Variants in SLC12A2 observed in about 807,000 individuals in gnomAD.
The protein encoded by SLC12A2 is solute carrier family 12 member 2.
In SLC12A2, 67 loss-of-function variants were observed where a neutral mutation model predicts 136.3. The ratio of observed to expected loss-of-function variants is 0.49; its 90% CI spans 0.40 to 0.60. The LOEUF is 0.60. Among genes scored for constraint, SLC12A2 ranks in the 20% least tolerant of loss-of-function variants. The pLI is 0.00. For missense variants in SLC12A2, 1,322 were observed against 1,534.7 expected (o/e 0.86, Z 2.32); for synonymous variants, 619 against 562.9 (o/e 1.10, Z -1.41).
intron 4 of SLC12A2, among the ~76,000 whole-genome samples, chr5:128,129,235 G>A (rs989236706): frequency 6.6e-6 from 1 of 151,852 alleles, no homozygotes; most frequent in Admixed American, 6.6e-5. Context: ...TTTGCTATTG[G>A]GAGTAGATGA....
intron 4 of SLC12A2, among the ~76,000 whole-genome samples, chr5:128,118,910 C>T (rs756561472): frequency 2.0e-5 from 3 of 152,016 alleles, no homozygotes; most frequent in Non-Finnish European, 2.9e-5. Flanking sequence ...ACAGAAAATT[C>T]CAGACTGGGA....
chr5:128,152,884 T>C, intron 15 of SLC12A2, 79 bp downstream of exon 15: 2 of 884,964 alleles, frequency 2.3e-6, no homozygotes, highest in Non-Finnish European at 3.8e-6. Flanking sequence ...GACATTTTCA[T>C]GTACATTTCA....
At chr5:128,135,924 C>A in intron 7 of SLC12A2, 116 bp downstream of exon 7, 1 of 691,866 alleles carries the variant, frequency 1.4e-6, no homozygotes, top group Non-Finnish European at 2.5e-6. Flanking sequence ...TTTGGTGATT[C>A]ACCCTAATTT....
intron 1 of SLC12A2, among the ~76,000 whole-genome samples, chr5:128,099,713 G>GT (rs1182504534): frequency 6.6e-6 from 1 of 151,822 alleles, no homozygotes; most frequent in Non-Finnish European, 1.5e-5. Flanking sequence ...TTAAACATCT[G>GT]TTTTTTTGTT....
chr5:128,148,737 A>G lies in SLC12A2; in HGVS notation c.1882-17A>G, dbSNP rs558211347. ...TCTAATTTTAATATGTTTCATTTTA[A>G]TGTTTTCTTTCATTAGGCTCTATGT... On this transcript the variant is annotated splice_polypyrimidine_tract_variant and intron_variant, in intron 11 of 26. Transcript: ENST00000262461. 5 of 1,562,518 alleles carry G rather than the reference A, an allele frequency of 3.2e-6. No homozygotes were observed. The South Asian group carries it at 3.6e-5, about 11-fold the overall frequency.
chr5:128,174,878 A>G (rs1763493122), intron 20 of SLC12A2, among the ~76,000 whole-genome samples: 1 of 152,074 alleles, frequency 6.6e-6, no homozygotes, highest in South Asian at 2.1e-4. Context: ...AACAGAAACC[A>G]TGCTAGTTAT....
At chr5:128,163,100 A>T (rs1187702262) in intron 17 of SLC12A2, among the ~76,000 whole-genome samples, 1 of 152,198 alleles carries the variant, frequency 6.6e-6, no homozygotes, top group East Asian at 1.9e-4. Flanking sequence ...GTGGTAATGT[A>T]GATTGGACAA....
chr5:128,104,648 A>AAAT lies in SLC12A2; in HGVS notation c.757-8165_757-8164insATA, dbSNP rs1554103102. On this transcript the variant is annotated intron_variant, in intron 1 of 26. Coordinates refer to ENST00000262461, the MANE Select transcript of SLC12A2 (RefSeq NM_001046.3). Reference sequence around the variant, plus strand: ...CTCCATCTCAAAAAAAAGAAAAAAAAATATATATATATAGATATATAGATA... The same window carrying AAAT: ...CTCCATCTCAAAAAAAAGAAAAAAAAAATATATATATATATAGATATATAGATA... Among the ~76,000 whole-genome samples the AAAT allele has an allele frequency of 4.3e-3, 604 of 141,546 alleles. 6 individuals are homozygous for AAAT. Among genetic ancestry groups the AAAT allele is most frequent in the African/African-American group, 0.016 (588 of 36,008 alleles). 92.9% of individuals were successfully genotyped at this position (141,546 alleles called of 152,430 possible).
chr5:128,186,705 A>T lies in SLC12A2; in HGVS notation c.*74A>T. ...TGTAGTAACTGAAATCTTCAATGAC[A>T]CATTAACATCACAATGGCGAATGGT... On this transcript the variant is annotated 3_prime_UTR_variant, in exon 27 of 27. Coordinates refer to ENST00000262461, the MANE Select transcript of SLC12A2 (RefSeq NM_001046.3). The T allele has an allele frequency of 7.0e-7, 1 of 1,421,054 alleles. No individual in the cohort carries two copies. Among genetic ancestry groups the T allele is most frequent in the Non-Finnish European group, 9.8e-7 (1 of 1,024,464 alleles). 88.0% of individuals were successfully genotyped at this position (1,421,054 alleles called of 1,614,324 possible).
Position 128,084,377 on chromosome 5 carries a change from G to A in SLC12A2, c.423G>A (p.Val141=). Residue 141 remains valine (V), a synonymous_variant, in exon 1 of 27, where the codon GTG becomes GTA. Coordinates refer to ENST00000262461, the MANE Select transcript of SLC12A2 (RefSeq NM_001046.3). This position sits in a 1 kb window ranked among gnomAD's most constrained non-coding sequence, Gnocchi z 5.6. ...AGGAAGCCAAGGGCCGCTTCCGCGTGAACTTCGTGGACCCAGCTGCCTCCT... is the reference window on the plus strand; with the variant it reads ...AGGAAGCCAAGGGCCGCTTCCGCGTAAACTTCGTGGACCCAGCTGCCTCCT... ...GSEEAKGRFR[V]NFVDPAASSS... 1 of 1,606,562 alleles carries A rather than the reference G, an allele frequency of 6.2e-7. No homozygotes were observed. Among genetic ancestry groups the A allele is most frequent in the South Asian group, 1.1e-5 (1 of 90,652 alleles).
At chr5:128,098,477 G>GT (rs71575713) in intron 1 of SLC12A2, among the ~76,000 whole-genome samples, 71,448 of 149,168 alleles carry the variant, frequency 0.48, 18,113 homozygotes, top group Non-Finnish European at 0.56. Context: ...ATGACTGCTT[G>GT]TTTTTTTTGT....
At chr5:128,092,401 G>A (rs957212212) in intron 1 of SLC12A2, among the ~76,000 whole-genome samples, 1 of 152,190 alleles carries the variant, frequency 6.6e-6, no homozygotes, top group African/African-American at 2.4e-5. Flanking sequence ...AAACTTCACA[G>A]AGCATGTCTG....
At chr5:128,141,237 A>G (rs1435001320) in intron 9 of SLC12A2, among the ~76,000 whole-genome samples, 1 of 152,186 alleles carries the variant, frequency 6.6e-6, no homozygotes, top group African/African-American at 2.4e-5. Flanking sequence ...TACATGGTTA[A>G]TCTTGTTTCA....
At chr5:128,144,215 T>C (rs1180285694) in intron 10 of SLC12A2, among the ~76,000 whole-genome samples, 4 of 152,160 alleles carry the variant, frequency 2.6e-5, no homozygotes, top group East Asian at 1.9e-4. Context: ...AGTTTAGTTA[T>C]GGACTCATTC....
At chr5:128,154,244 AG>A (rs1187052708) in intron 15 of SLC12A2, among the ~76,000 whole-genome samples, 1 of 151,962 alleles carries the variant, frequency 6.6e-6, no homozygotes, top group Non-Finnish European at 1.5e-5. Context: ...TAGGCAACAT[AG>A]TGAGATCTTG....
chr5:128,097,693 C>T (rs1161517018), intron 1 of SLC12A2, among the ~76,000 whole-genome samples: 1 of 151,970 alleles, frequency 6.6e-6, no homozygotes, highest in Non-Finnish European at 1.5e-5. Context: ...TTTCTCTTTC[C>T]TCAGTGCTCT....
chr5:128,140,699 T>TC (rs34464459), intron 9 of SLC12A2, among the ~76,000 whole-genome samples: 40 of 150,372 alleles, frequency 2.7e-4, no homozygotes, highest in South Asian at 1.5e-3. Flanking sequence ...AGTGGAACCT[T>TC]CCCCCCCCAA....
Position 128,112,890 on chromosome 5 carries a change from A to C in SLC12A2, c.833A>C (p.Glu278Ala), listed in dbSNP as rs1478210084. ...TRDAVVTYTA[E>A]SKGVVKFGWI... Reference sequence around the variant, plus strand: ...GATGCTGTGGTCACGTATACTGCAGAAAGTAAAGGAGTCGTGAAGTTTGGC... The same window carrying C: ...GATGCTGTGGTCACGTATACTGCAGCAAGTAAAGGAGTCGTGAAGTTTGGC... The change falls in exon 2 of 27, where the codon GAA (glutamate) becomes GCA (alanine). Residue 278 changes from glutamate (E) to alanine (A), a missense_variant. Around this residue, in one of 8 missense-constraint regions of SLC12A2, gnomAD observed 59 missense variants for 51.5 expected, o/e 1.15. Coordinates refer to ENST00000262461, the MANE Select transcript of SLC12A2 (RefSeq NM_001046.3). 1 of 1,613,252 alleles carries C rather than the reference A, an allele frequency of 6.2e-7. No homozygotes were observed. Among genetic ancestry groups the C allele is most frequent in the Admixed American group, 1.7e-5 (1 of 59,930 alleles).
intron 1 of SLC12A2, among the ~76,000 whole-genome samples, chr5:128,107,129 CA>C (rs1760967562): frequency 6.6e-6 from 1 of 152,132 alleles, no homozygotes; most frequent in Non-Finnish European, 1.5e-5. Context: ...GTTGAATCAT[CA>C]ATCCCTATTC....
Sources: allele counts gnomAD v4.1 joint callset (sites outside exome capture counted in the v4.1 genomes callset), GRCh38; gene constraint gnomAD v4.1.1; regional missense constraint gnomAD v4.1.1; non-coding constraint Gnocchi (gnomAD v3.1); transcripts MANE v1.5; gene names NCBI Gene and HGNC (gene_info 2026-07-23, HGNC 2026-07-21).